NXPE2: variants seen among roughly 807,000 people sequenced by gnomAD.
The protein encoded by NXPE2 is neurexophilin and PC-esterase domain family member 2, also known as NXPE family member 2.
NXPE2 carries 34 observed loss-of-function variants against 34.4 expected under a neutral mutation model. The observed-to-expected ratio is 0.99, with a 90% CI of 0.75 to 1.31. The LOEUF (loss-of-function observed/expected upper bound fraction) is 1.31, where lower values mean the gene tolerates loss of function less well. Among genes scored for constraint, NXPE2 ranks in the 40% most tolerant of loss-of-function variants. The probability of loss-of-function intolerance (pLI) is 0.00; values close to 1 mark genes in which losing one functional copy is unlikely to be tolerated. For synonymous variants in NXPE2, 235 were observed against 231.3 expected (o/e 1.02, Z -0.15); for missense variants, 649 against 672.5 (o/e 0.97, Z 0.39).
At chr11:114,638,946 C>G in the NXPE2 span, among the ~76,000 whole-genome samples, 1 of 152,010 alleles carries the variant, frequency 6.6e-6, no homozygotes, top group African/African-American at 2.4e-5. Flanking sequence ...GCAGTCTGCC[C>G]ATTTTCAGAT....
chr11:114,695,207 T>G (rs1565385819), intron 2 of NXPE2, among the ~76,000 whole-genome samples: 2 of 152,156 alleles, frequency 1.3e-5, no homozygotes, highest in Non-Finnish European at 2.9e-5. Context: ...AGGGACTCCT[T>G]TTTAAGTAGG....
chr11:114,666,873 T>C, the NXPE2 span, among the ~76,000 whole-genome samples: 2 of 152,216 alleles, frequency 1.3e-5, no homozygotes, highest in East Asian at 3.9e-4. Flanking sequence ...AAAACAAATA[T>C]TACCCTTCAT....
chr11:114,797,808 G>A, the NXPE2 span, among the ~76,000 whole-genome samples: 1 of 152,258 alleles, frequency 6.6e-6, no homozygotes, highest in South Asian at 2.1e-4. Context: ...ATAATACTGT[G>A]GTTGAAGATT....
the NXPE2 span, among the ~76,000 whole-genome samples, chr11:114,535,853 G>A: frequency 2.6e-5 from 4 of 152,092 alleles, no homozygotes; most frequent in African/African-American, 9.7e-5. Flanking sequence ...ACACCCCACT[G>A]TCAACATTAG....
At chr11:114,720,068 C>T in the NXPE2 span, among the ~76,000 whole-genome samples, 1 of 152,162 alleles carries the variant, frequency 6.6e-6, no homozygotes. Context: ...TCTCACCTAT[C>T]GGCAGCATTT....
chr11:114,805,588 G>A, the NXPE2 span, among the ~76,000 whole-genome samples: 24 of 152,368 alleles, frequency 1.6e-4, no homozygotes, highest in South Asian at 1.7e-3. Context: ...GTCTCGCTCA[G>A]TGCTAGCACA....
intron 2 of NXPE2, among the ~76,000 whole-genome samples, chr11:114,682,752 G>A (rs1950970177): frequency 6.6e-6 from 1 of 152,008 alleles, no homozygotes; most frequent in Non-Finnish European, 1.5e-5. Flanking sequence ...AAGACCTTTT[G>A]TAGTGCACAG....
the NXPE2 span, among the ~76,000 whole-genome samples, chr11:114,772,257 T>C: frequency 2.6e-5 from 4 of 152,016 alleles, no homozygotes; most frequent in African/African-American, 9.7e-5. Flanking sequence ...AAAAAGGGAG[T>C]TAACCAATAT....
At chr11:114,530,815 G>C in the NXPE2 span, 1 of 1,614,172 alleles carries the variant, frequency 6.2e-7, no homozygotes, top group Admixed American at 1.7e-5. Flanking sequence ...TCTGTTAGTG[G>C]CTTTAATGGT....
the NXPE2 span, among the ~76,000 whole-genome samples, chr11:114,557,426 G>C: frequency 2.6e-5 from 4 of 151,592 alleles, no homozygotes; most frequent in South Asian, 8.3e-4. Context: ...ACATTTTCTT[G>C]CTATAGTCAG....
the NXPE2 span, among the ~76,000 whole-genome samples, chr11:114,795,763 A>G: frequency 3.9e-5 from 6 of 152,294 alleles, no homozygotes; most frequent in African/African-American, 1.4e-4. Context: ...CTTACATTCA[A>G]CTTAGGGTGA....
the NXPE2 span, among the ~76,000 whole-genome samples, chr11:114,599,166 A>G: frequency 1.3e-5 from 2 of 152,276 alleles, no homozygotes; most frequent in Middle Eastern, 6.8e-3. Context: ...ACCTTAAATC[A>G]TCACTTTCAA....
chr11:114,501,387 A>T, the NXPE2 span, among the ~76,000 whole-genome samples: 2 of 152,300 alleles, frequency 1.3e-5, no homozygotes, highest in South Asian at 4.1e-4. Flanking sequence ...TCATTATTTC[A>T]GTGTACAGAA....
the NXPE2 span, among the ~76,000 whole-genome samples, chr11:114,494,966 G>A: frequency 1.3e-5 from 2 of 152,232 alleles, no homozygotes; most frequent in African/African-American, 4.8e-5. Flanking sequence ...TGCAGACTCA[G>A]AGGTACCACC....
At chr11:114,583,914 A>G in the NXPE2 span, 2 of 394,334 alleles carry the variant, frequency 5.1e-6, no homozygotes, top group Non-Finnish European at 9.9e-6. Context: ...AAAGGCAGAT[A>G]TTATGCTATT....
chr11:114,518,652 G>A, the NXPE2 span, among the ~76,000 whole-genome samples: 1 of 152,194 alleles, frequency 6.6e-6, no homozygotes, highest in Non-Finnish European at 1.5e-5. Flanking sequence ...CCTTTGCTCT[G>A]TGGTGACACC....
chr11:114,528,670 C>T, the NXPE2 span: 4 of 452,448 alleles, frequency 8.8e-6, no homozygotes, highest in African/African-American at 3.9e-5. Context: ...ACTCTTCCTG[C>T]TTGAAAGCTC....
intron 2 of NXPE2, among the ~76,000 whole-genome samples, chr11:114,692,088 C>G (rs1425269658): frequency 6.6e-6 from 1 of 152,228 alleles, no homozygotes; most frequent in Non-Finnish European, 1.5e-5. Flanking sequence ...TCAATTCTGA[C>G]TGTGGGTGCC....
At chr11:114,626,064 G>T in the NXPE2 span, among the ~76,000 whole-genome samples, 1 of 152,192 alleles carries the variant, frequency 6.6e-6, no homozygotes, top group African/African-American at 2.4e-5. Context: ...ACAGCAGTCT[G>T]AGATCAAACT....
Sources: gnomAD v4.1 joint callset for allele counts (sites outside exome capture counted in the v4.1 genomes callset) on GRCh38, gnomAD v4.1.1 for gene constraint, MANE v1.5 for transcripts, NCBI Gene and HGNC (gene_info 2026-07-23, HGNC 2026-07-21) for gene names.